LRP1B: variants seen among roughly 807,000 people sequenced by gnomAD.
LRP1B encodes LDL receptor related protein 1B, also known as low-density lipoprotein receptor-related protein 1B.
LRP1B carries 217 observed loss-of-function variants against 556.6 expected under a neutral mutation model. That is an observed-to-expected ratio of 0.39 (90% CI 0.35 to 0.44). The LOEUF is 0.44. Among genes scored for constraint, LRP1B ranks in the 20% least tolerant of loss-of-function variants. The probability of loss-of-function intolerance (pLI) is 1.00; values close to 1 mark genes in which losing one functional copy is unlikely to be tolerated. For synonymous variants in LRP1B, 2,047 were observed against 1,865.8 expected (o/e 1.10, Z -2.50); for missense variants, 5,053 against 5,620.8 (o/e 0.90, Z 3.23).
chr2:141,805,126 G>T (rs1696129612), intron 2 of LRP1B, among the ~76,000 whole-genome samples: 1 of 152,064 alleles, frequency 6.6e-6, no homozygotes, highest in Non-Finnish European at 1.5e-5. Context: ...GAGATCGACT[G>T]CATTTGCTTT....
chr2:140,639,769 A>G (rs1388757335), intron 41 of LRP1B, among the ~76,000 whole-genome samples: 1 of 152,078 alleles, frequency 6.6e-6, no homozygotes, highest in Non-Finnish European at 1.5e-5. Flanking sequence ...CAAAGTCCTA[A>G]TCATTATGTC....
At chr2:140,571,139 T>G (rs951243462) in intron 43 of LRP1B, among the ~76,000 whole-genome samples, 4 of 151,720 alleles carry the variant, frequency 2.6e-5, no homozygotes, top group Non-Finnish European at 5.9e-5. Flanking sequence ...TCACTCAACA[T>G]AATACTGGAT....
intron 35 of LRP1B, among the ~76,000 whole-genome samples, chr2:140,768,941 G>T: frequency 6.6e-6 from 1 of 151,718 alleles, no homozygotes; most frequent in Non-Finnish European, 1.5e-5. Context: ...ATAAAAAAGA[G>T]AGAGAAATAA....
At position 140,385,918 on chromosome 2, in the gene LRP1B, A is replaced by G. The variant is rs372756852; in HGVS notation, c.10506T>C (p.Ser3502=). ...TACAGTTTTCTTCATCTGAATTATC[A>G]CTGCAGTCATTTTGGCTATCACACC... ...HWRCDSQNDC[S]DNSDEENCKP... The change falls in exon 67 of 91, where the codon AGT becomes AGC. Residue 3502 remains serine, a synonymous_variant. Coordinates refer to ENST00000389484, the MANE Select transcript of LRP1B (RefSeq NM_018557.3). 8.1e-6 allele frequency: 13 copies of G among 1,611,142 alleles called. No individual in the cohort carries two copies. The highest frequency in any genetic ancestry group is 1.1e-5 in the Non-Finnish European group (13 of 1,177,552).
chr2:141,890,326 A>ATATATG (rs1699245681), intron 1 of LRP1B, among the ~76,000 whole-genome samples: 1 of 27,184 alleles, frequency 3.7e-5, no homozygotes, highest in Non-Finnish European at 8.8e-5. Context: ...CACAATACAT[A>ATATATG]TATATATATA....
chr2:140,955,044 C>G (rs1200447695), intron 18 of LRP1B, among the ~76,000 whole-genome samples: 1 of 151,888 alleles, frequency 6.6e-6, no homozygotes, highest in Admixed American at 6.6e-5. Context: ...TTTCAGACTT[C>G]TGGTTTATAA....
At chr2:140,286,900 G>T (rs778768927) in intron 84 of LRP1B, among the ~76,000 whole-genome samples, 1 of 151,292 alleles carries the variant, frequency 6.6e-6, no homozygotes, top group African/African-American at 2.4e-5. Context: ...ATAGATTATC[G>T]CACTTTAAAC....
intron 1 of LRP1B, among the ~76,000 whole-genome samples, chr2:141,840,303 G>C (rs1279465795): frequency 8.6e-6 from 1 of 116,692 alleles, no homozygotes; most frequent in Non-Finnish European, 1.6e-5. Context: ...TCGCTCTGTC[G>C]CCCACGCTGG....
intron 83 of LRP1B, among the ~76,000 whole-genome samples, chr2:140,308,835 C>G (rs548428768): frequency 6.3e-4 from 95 of 151,004 alleles, no homozygotes; most frequent in African/African-American, 2.3e-3. Context: ...AATACTTACT[C>G]AAAACATTTC....
chr2:141,711,609 C>T (rs1348811651), intron 2 of LRP1B, among the ~76,000 whole-genome samples: 1 of 152,052 alleles, frequency 6.6e-6, no homozygotes, highest in Non-Finnish European at 1.5e-5. Flanking sequence ...CTAGCAATAC[C>T]CCTGATGCTT....
chr2:142,095,800 A>T (rs1297670183), intron 1 of LRP1B, among the ~76,000 whole-genome samples: 1 of 151,812 alleles, frequency 6.6e-6, no homozygotes, highest in Admixed American at 6.6e-5. Flanking sequence ...GATTATTTTT[A>T]CAAGGAGATT....
At position 140,666,009 on chromosome 2, in the gene LRP1B, C is replaced by T. The variant is rs1337698572; in HGVS notation, c.6799+34241G>A. On this transcript the variant is annotated intron_variant, in intron 41 of 90. Coordinates refer to ENST00000389484, the MANE Select transcript of LRP1B (RefSeq NM_018557.3). The stretch of plus-strand genomic sequence containing the variant: ...AAAAAAAAAAATTTTTTTTTTTTTT[C>T]CTGAGACGGAGTCTCACTCTGTTGC... 7.1e-4 allele frequency among the ~76,000 whole-genome samples: 96 copies of T among 134,764 alleles called. No individual in the cohort carries two copies. In the East Asian group the frequency reaches 0.019, roughly 27 times the overall value. 88.4% of individuals were successfully genotyped at this position (134,764 alleles called of 152,430 possible).
At chr2:140,535,022 C>T (rs116020173) in intron 46 of LRP1B, among the ~76,000 whole-genome samples, 1,578 of 152,262 alleles carry the variant, frequency 0.01, 24 homozygotes, top group Non-Finnish European at 0.012. Context: ...AAACTATTGC[C>T]CATAGGCCAG....
At chr2:142,027,317 A>G (rs1312943684) in intron 1 of LRP1B, among the ~76,000 whole-genome samples, 1 of 151,500 alleles carries the variant, frequency 6.6e-6, no homozygotes, top group African/African-American at 2.4e-5. Flanking sequence ...TTTTTTTCCA[A>G]ATACTATATT....
chr2:141,323,423 C>A (rs1382977414), intron 3 of LRP1B, among the ~76,000 whole-genome samples: 1 of 152,078 alleles, frequency 6.6e-6, no homozygotes. Flanking sequence ...GCAAGTTATT[C>A]AAAAATATAT....
chr2:142,099,116 C>A (rs905343080), intron 1 of LRP1B, among the ~76,000 whole-genome samples: 1 of 151,780 alleles, frequency 6.6e-6, no homozygotes, highest in African/African-American at 2.4e-5. Context: ...ATATCCAGTA[C>A]ATAATGTACA....
chr2:140,541,135 C>T (rs373249657), intron 44 of LRP1B, 37 bp from the exon 45 acceptor site: 94 of 1,536,840 alleles, frequency 6.1e-5, no homozygotes, highest in East Asian at 9.0e-5. Context: ...CATTTTATAT[C>T]GAATTCCTGT....
At chr2:140,805,176 T>C (rs1253112735) in intron 32 of LRP1B, among the ~76,000 whole-genome samples, 1 of 152,136 alleles carries the variant, frequency 6.6e-6, no homozygotes, top group East Asian at 1.9e-4. Flanking sequence ...CTGATCCCCA[T>C]AGTAGCCAAA....
At chr2:141,870,013 A>T (rs534338765) in intron 1 of LRP1B, among the ~76,000 whole-genome samples, 1 of 152,100 alleles carries the variant, frequency 6.6e-6, no homozygotes, top group African/African-American at 2.4e-5. Context: ...TGCTTTGTTA[A>T]TTATCAAATT....
Sources: allele counts gnomAD v4.1 joint callset (sites outside exome capture counted in the v4.1 genomes callset), GRCh38; gene constraint gnomAD v4.1.1; transcripts MANE v1.5; gene names NCBI Gene and HGNC (gene_info 2026-07-23, HGNC 2026-07-21).